The following CNOT6L variants were observed in gnomAD, a reference collection of about 807,000 sequenced individuals.
CNOT6L encodes the protein CCR4-NOT transcription complex subunit 6-like.
Under a neutral mutation model 64.0 loss-of-function variants are expected in CNOT6L, and 7 were observed. That is an observed-to-expected ratio of 0.11 (90% CI 0.06 to 0.21). The LOEUF is 0.21. Among genes scored for constraint, CNOT6L ranks in the 10% least tolerant of loss-of-function variants. CNOT6L has a pLI of 1.00. For synonymous variants in CNOT6L, 193 were observed against 243.4 expected, an observed-to-expected ratio of 0.79 and a Z score of 1.93; for missense variants, 245 against 669.0, an observed-to-expected ratio of 0.37 and a Z score of 6.99.
At chr4:77,738,083 A>G (rs1450377094) in intron 8 of CNOT6L, among the ~76,000 whole-genome samples, 1 of 151,950 alleles carries the variant, frequency 6.6e-6, no homozygotes, top group Non-Finnish European at 1.5e-5. Context: ...ATAATAGAAG[A>G]AAAAAAAGCA....
chr4:77,779,062 AC>A (rs80133168), intron 1 of CNOT6L, among the ~76,000 whole-genome samples: 7,776 of 89,662 alleles, frequency 0.087, 987 homozygotes, highest in African/African-American at 0.11. Flanking sequence ...AAAAAAAAAA[AC>A]AAAAAAAAAA....
At position 77,756,924 on chromosome 4, in the gene CNOT6L, T is replaced by C. The variant is rs776117955; in HGVS notation, c.428A>G (p.Asn143Ser). 40 of 1,608,506 alleles carry C rather than the reference T, an allele frequency of 2.5e-5. No individual in the cohort carries two copies. The highest frequency in any genetic ancestry group is 3.2e-5 in the Non-Finnish European group (38 of 1,176,952). ...GGTTCCATCTGGGTCCTGGTATAAG[T>C]TGAGAATATCCTGTGATAAAGGATT... ...KGNPLSQDIL[N>S]LYQDPDGTRK... The change falls in exon 5 of 12, where the codon AAC becomes AGC. Residue 143 changes from asparagine (N) to serine (S), a missense_variant. Asn to Ser is a conservative substitution (Grantham distance 46). Transcript: ENST00000504123.
chr4:77,741,816 C>G (rs376904268), intron 8 of CNOT6L, among the ~76,000 whole-genome samples: 2 of 152,014 alleles, frequency 1.3e-5, no homozygotes, highest in Non-Finnish European at 2.9e-5. Context: ...TTATGGCCAA[C>G]CTTAAAAGGT....
intron 1 of CNOT6L, among the ~76,000 whole-genome samples, chr4:77,783,222 T>G (rs1463985874): frequency 6.6e-6 from 1 of 151,224 alleles, no homozygotes. Context: ...AAAATAACCT[T>G]CAGACTTTTG....
chr4:77,760,572 A>T (rs1367052882), intron 4 of CNOT6L, among the ~76,000 whole-genome samples: 1 of 151,668 alleles, frequency 6.6e-6, no homozygotes, highest in African/African-American at 2.4e-5. Context: ...GAAATCAATA[A>T]AATTAAAAAA....
At chr4:77,777,234 T>C (rs968007433) in intron 1 of CNOT6L, among the ~76,000 whole-genome samples, 4 of 152,216 alleles carry the variant, frequency 2.6e-5, no homozygotes, top group Non-Finnish European at 5.9e-5. Context: ...TCCCTTTTCA[T>C]GCTCAAAAGA....
intron 1 of CNOT6L, among the ~76,000 whole-genome samples, chr4:77,804,878 C>T (rs1280905119): frequency 6.6e-6 from 1 of 151,856 alleles, no homozygotes; most frequent in Non-Finnish European, 1.5e-5. Context: ...CAGTATGAAC[C>T]TATTTTAGTT....
At chr4:77,812,496 C>T (rs1733074961) in intron 1 of CNOT6L, among the ~76,000 whole-genome samples, 1 of 149,476 alleles carries the variant, frequency 6.7e-6, no homozygotes, top group South Asian at 2.1e-4. Flanking sequence ...TTGGAGGATA[C>T]GAGATCAACA....
At position 77,720,146 on chromosome 4, in the gene CNOT6L, G is replaced by A. The variant is rs1279719880; in HGVS notation, c.*285C>T. 2.8e-5 allele frequency: 8 copies of A among 281,652 alleles called. No individual in the cohort carries two copies. Among genetic ancestry groups the A allele is most frequent in the African/African-American group, 1.8e-4 (8 of 45,656 alleles). The allele number at this position is 281,652 out of a possible 1,614,324, so 17.4% of individuals were successfully genotyped here. ...TACACTGTTATTGGGCCTCAAATTG[G>A]TAATTTATCAATTTTGAATGCTGGC... On this transcript the variant is annotated 3_prime_UTR_variant, in exon 12 of 12. Transcript: ENST00000504123.
At chr4:77,746,773 A>G (rs1030609513) in intron 6 of CNOT6L, among the ~76,000 whole-genome samples, 1 of 152,176 alleles carries the variant, frequency 6.6e-6, no homozygotes, top group Non-Finnish European at 1.5e-5. Context: ...AGTATAAAAT[A>G]AATCTATCTA....
intron 10 of CNOT6L, among the ~76,000 whole-genome samples, chr4:77,726,655 T>C (rs1340360779): frequency 1.3e-5 from 2 of 152,206 alleles, no homozygotes; most frequent in Admixed American, 1.3e-4. Context: ...AGGCTAAAGA[T>C]GATTTCCAGG....
chr4:77,807,770 G>T (rs1451226276), intron 1 of CNOT6L, among the ~76,000 whole-genome samples: 3 of 152,152 alleles, frequency 2.0e-5, no homozygotes, highest in Non-Finnish European at 4.4e-5. Context: ...TTATTTAAAA[G>T]TAATAGGAAG....
At chr4:77,779,059 A>AAC (rs1728515103) in intron 1 of CNOT6L, among the ~76,000 whole-genome samples, 2 of 97,122 alleles carry the variant, frequency 2.1e-5, no homozygotes, top group African/African-American at 7.2e-5. Context: ...AAAAAAAAAA[A>AAC]AAACAAAAAA....
chr4:77,804,074 T>C (rs1731937159), intron 1 of CNOT6L, among the ~76,000 whole-genome samples: 1 of 152,148 alleles, frequency 6.6e-6, no homozygotes, highest in Admixed American at 6.5e-5. Context: ...CAAAACCATA[T>C]ACATGAATTA....
chr4:77,814,118 T>C (rs1733294156), intron 1 of CNOT6L, among the ~76,000 whole-genome samples: 1 of 152,180 alleles, frequency 6.6e-6, no homozygotes. Flanking sequence ...GAAATATGCT[T>C]ATCATAAACG....
intron 1 of CNOT6L, among the ~76,000 whole-genome samples, chr4:77,783,150 CAA>C (rs35634501): frequency 2.0e-5 from 2 of 102,148 alleles, no homozygotes; most frequent in African/African-American, 7.9e-5. Context: ...TGTGACCACT[CAA>C]AAAAAAAAAA....
chr4:77,810,265 G>T (rs1467107119), intron 1 of CNOT6L, among the ~76,000 whole-genome samples: 1 of 151,962 alleles, frequency 6.6e-6, no homozygotes, highest in Non-Finnish European at 1.5e-5. Context: ...ATTTCAAAAA[G>T]TAAACAAAGG....
chr4:77,778,871 C>T (rs1448494591), intron 1 of CNOT6L, among the ~76,000 whole-genome samples: 26 of 151,284 alleles, frequency 1.7e-4, no homozygotes, highest in African/African-American at 5.8e-4. Flanking sequence ...GGTGAAACCC[C>T]GTCTCTACTA....
At chr4:77,812,396 C>CCATTT (rs781326344) in intron 1 of CNOT6L, among the ~76,000 whole-genome samples, 17 of 150,746 alleles carry the variant, frequency 1.1e-4, no homozygotes, top group South Asian at 4.2e-4. Flanking sequence ...CAAGACAGTG[C>CCATTT]CATTGCACTC....
Sources: allele counts gnomAD v4.1 joint callset (sites outside exome capture counted in the v4.1 genomes callset), GRCh38; gene constraint gnomAD v4.1.1; transcripts MANE v1.5; gene names NCBI Gene and HGNC (gene_info 2026-07-23, HGNC 2026-07-21).